FIG4: variants seen among roughly 807,000 people sequenced by gnomAD.
The protein encoded by FIG4 is polyphosphoinositide phosphatase.
A neutral mutation model predicts 118.6 loss-of-function variants in FIG4; 112 were observed. That is an observed-to-expected ratio of 0.94 (90% CI 0.81 to 1.11). The LOEUF is 1.11. Ranked by LOEUF, FIG4 falls within the 50% of genes least tolerant of loss-of-function variation. The pLI, the probability that FIG4 is intolerant of heterozygous loss-of-function variation, is 0.00. For synonymous variants in FIG4, 369 were observed against 381.2 expected, an observed-to-expected ratio of 0.97 and a Z score of 0.37; for missense variants, 969 against 1,111.7, an observed-to-expected ratio of 0.87 and a Z score of 1.83.
intron 22 of FIG4, among the ~76,000 whole-genome samples, chr6:109,812,506 C>T (rs1293938377): frequency 1.3e-5 from 2 of 152,024 alleles, no homozygotes; most frequent in Non-Finnish European, 2.9e-5. Flanking sequence ...AGGATGTAAG[C>T]AAAGAGGGAA....
chr6:109,709,063 TA>T (rs1332878184), intron 1 of FIG4, among the ~76,000 whole-genome samples: 1 of 152,220 alleles, frequency 6.6e-6, no homozygotes, highest in Non-Finnish European at 1.5e-5. Context: ...TGGTATTGCC[TA>T]TATTGTCTTC....
At chr6:109,801,794 A>G (rs555205778) in intron 22 of FIG4, among the ~76,000 whole-genome samples, 26 of 152,302 alleles carry the variant, frequency 1.7e-4, no homozygotes, top group African/African-American at 6.0e-4. Context: ...TTTACTTTTC[A>G]TGATGTTAAT....
chr6:109,777,402 T>G (rs1328979866), intron 16 of FIG4, among the ~76,000 whole-genome samples: 1 of 152,188 alleles, frequency 6.6e-6, no homozygotes, highest in Non-Finnish European at 1.5e-5. Flanking sequence ...TGTTGTTTTG[T>G]ATTTTCTCTA....
At chr6:109,703,013 C>T (rs1774951474) in intron 1 of FIG4, among the ~76,000 whole-genome samples, 1 of 152,090 alleles carries the variant, frequency 6.6e-6, no homozygotes, top group South Asian at 2.1e-4. Flanking sequence ...TTCCTGGATC[C>T]CATCACTTCC....
intron 10 of FIG4, among the ~76,000 whole-genome samples, chr6:109,746,569 G>A (rs76274109): frequency 0.014 from 2,183 of 152,150 alleles, 51 homozygotes; most frequent in African/African-American, 0.05. Flanking sequence ...GGGCCCAGAG[G>A]GTGAGGACAA....
chr6:109,693,645 A>G (rs1021834221), intron 1 of FIG4, among the ~76,000 whole-genome samples: 1 of 152,188 alleles, frequency 6.6e-6, no homozygotes, highest in Admixed American at 6.5e-5. Context: ...AGTACTGCCA[A>G]AAACAGTGTA....
At chr6:109,806,114 C>G (rs1173781247) in intron 22 of FIG4, among the ~76,000 whole-genome samples, 2 of 152,096 alleles carry the variant, frequency 1.3e-5, no homozygotes, top group African/African-American at 4.8e-5. Context: ...TCCTATTGGC[C>G]TAAAGATTTT....
Position 109,727,390 on chromosome 6 carries a change from G to A in FIG4, c.446+125G>A. 1.0e-5 allele frequency: 8 copies of A among 762,642 alleles called. No individual in the cohort carries two copies. In the South Asian group the frequency reaches 1.2e-4, roughly 11 times the overall value. The allele number at this position is 762,642 out of a possible 1,614,324, so 47.2% of individuals were successfully genotyped here. A position where few individuals can be genotyped will look rare whatever the true frequency, so the allele number is the denominator to read the frequency against. On this transcript the variant is annotated intron_variant, in intron 4 of 22. Coordinates refer to ENST00000230124, the MANE Select transcript of FIG4 (RefSeq NM_014845.6). The stretch of plus-strand genomic sequence containing the variant: ...TGTAGCCTTGGCCTCCCAGGCTCAA[G>A]TACTTTTTTTTAATGTCGTAGATCA...
chr6:109,725,859 G>A (rs886442332), intron 3 of FIG4, among the ~76,000 whole-genome samples: 16 of 152,150 alleles, frequency 1.1e-4, no homozygotes, highest in African/African-American at 3.6e-4. Context: ...GTGATGATGA[G>A]CTTTTTTTCA....
chr6:109,778,834 T>C lies in FIG4; in HGVS notation c.1889+1774T>C, dbSNP rs574393816. On this transcript the variant is annotated intron_variant, in intron 16 of 22. Coordinates refer to ENST00000230124, the MANE Select transcript of FIG4 (RefSeq NM_014845.6). ...TAGGGTGGTCTTGATCTCCTGCCCT[T>C]GTGATCTGCCCGCCTTGGCCTCCCA... is the stretch of plus-strand genomic sequence containing the variant. 2.3e-4 allele frequency among the ~76,000 whole-genome samples: 35 copies of C among 152,224 alleles called. No individual in the cohort carries two copies. In the South Asian group the frequency reaches 3.3e-3, roughly 14 times the overall value.
chr6:109,789,510 T>C (rs534732162), intron 18 of FIG4, 84 bp from the exon 19 acceptor site: 2 of 972,968 alleles, frequency 2.1e-6, no homozygotes, highest in South Asian at 2.6e-5. Context: ...GAAGGAATAT[T>C]GTAAGAGTGT....
intron 22 of FIG4, among the ~76,000 whole-genome samples, chr6:109,816,567 G>T (rs1583774484): frequency 6.6e-6 from 1 of 152,318 alleles, no homozygotes; most frequent in East Asian, 1.9e-4. Context: ...ATGGAAGAAG[G>T]TGTTAATAAG....
intron 1 of FIG4, among the ~76,000 whole-genome samples, chr6:109,707,287 AT>A (rs1775100520): frequency 7.2e-6 from 1 of 139,732 alleles, no homozygotes; most frequent in Admixed American, 7.1e-5. Context: ...GTGTATATAT[AT>A]ATATGTGTGT....
In FIG4 at chr6:109,698,132, C is replaced by T. The variant is rs530632684; in HGVS notation, c.66+6631C>T. ...CTCGAACTTCTGACCTTGTGATCCG[C>T]CCGCCTCAGCCTCCCAAAGTGCTGG... On this transcript the variant is annotated intron_variant, in intron 1 of 22. Transcript: ENST00000230124. Among the ~76,000 whole-genome samples, 4 of 152,134 alleles carry T rather than the reference C, an allele frequency of 2.6e-5. No homozygotes were observed. In the South Asian group the frequency reaches 8.3e-4, roughly 32 times the overall value.
Position 109,824,960 on chromosome 6 carries a change from C to T in FIG4, c.2547-128C>T, listed in dbSNP as rs143256955. The T allele has an allele frequency of 2.0e-4, 167 of 851,964 alleles. No homozygotes were observed. The African/African-American group carries it at 2.6e-3, about 13-fold the overall frequency. 52.8% of individuals were successfully genotyped at this position (851,964 alleles called of 1,614,324 possible). A position where few individuals can be genotyped will look rare whatever the true frequency, so the allele number is the denominator to read the frequency against. On this transcript the variant is annotated intron_variant, in intron 22 of 22. Coordinates refer to ENST00000230124, the MANE Select transcript of FIG4 (RefSeq NM_014845.6). ...CCTCGCAAGGACTGGGGAGGTCATC[C>T]CAGCAGCTTGTCAAAAGTCAGCCTG...
rs11377100 is a variant in FIG4 at position 109,732,621 on chromosome 6, G to GTTT, written c.447-5_447-3dup. 1.3e-3 allele frequency: 1,279 copies of GTTT among 1,007,986 alleles called. No individual in the cohort carries two copies. Among genetic ancestry groups the GTTT allele is most frequent in the Non-Finnish European group, 1.5e-3 (985 of 668,796 alleles). The allele number at this position is 1,007,986 out of a possible 1,614,324, so 62.4% of individuals were successfully genotyped here. A position where few individuals can be genotyped will look rare whatever the true frequency, so the allele number is the denominator to read the frequency against. On this transcript the variant is annotated splice_polypyrimidine_tract_variant and intron_variant, in intron 4 of 22. Coordinates refer to ENST00000230124, the MANE Select transcript of FIG4 (RefSeq NM_014845.6). ...GTATTGGACAAATGAAATGTACTTT[G>GTTT]TTTTTTTTTTTTTAGGTATCTACGA...
intron 1 of FIG4, among the ~76,000 whole-genome samples, chr6:109,694,955 T>C (rs902080332): frequency 6.6e-6 from 1 of 152,214 alleles, no homozygotes; most frequent in Non-Finnish European, 1.5e-5. Flanking sequence ...GGTGAGGATA[T>C]GGAGAAAGGG....
chr6:109,762,514 AT>A (rs922560847), intron 12 of FIG4, among the ~76,000 whole-genome samples: 2 of 151,066 alleles, frequency 1.3e-5, no homozygotes, highest in African/African-American at 2.4e-5. Context: ...AGAAACAGAC[AT>A]TTTTTTCTTA....
At chr6:109,821,847 A>G (rs975135114) in intron 22 of FIG4, among the ~76,000 whole-genome samples, 2 of 152,166 alleles carry the variant, frequency 1.3e-5, no homozygotes, top group African/African-American at 4.8e-5. Flanking sequence ...AAACTCTACA[A>G]CCCAGATTCT....
Sources: allele counts gnomAD v4.1 joint callset (sites outside exome capture counted in the v4.1 genomes callset), GRCh38; gene constraint gnomAD v4.1.1; transcripts MANE v1.5; gene names NCBI Gene and HGNC (gene_info 2026-07-23, HGNC 2026-07-21).